ARHGAP25: variants seen among roughly 807,000 people sequenced by gnomAD.
ARHGAP25 encodes the protein Rho GTPase activating protein 25.
A neutral mutation model predicts 71.0 loss-of-function variants in ARHGAP25; 34 were observed. The observed-to-expected ratio is 0.48, with a 90% CI of 0.36 to 0.64. The LOEUF (loss-of-function observed/expected upper bound fraction) is 0.64. ARHGAP25 is among the 30% of genes least tolerant of loss of function. ARHGAP25 has a pLI of 0.00. For synonymous variants in ARHGAP25, 282 were observed against 296.5 expected, an observed-to-expected ratio of 0.95 and a Z score of 0.50; for missense variants, 706 against 805.1, an observed-to-expected ratio of 0.88 and a Z score of 1.49.
At chr2:68,753,086 G>T (rs1343736627) in intron 1 of ARHGAP25, among the ~76,000 whole-genome samples, 2 of 151,860 alleles carry the variant, frequency 1.3e-5, no homozygotes. Context: ...GATGGGGGGG[G>T]TGATAAAACC....
chr2:68,824,613 G>A (rs548360947), intron 10 of ARHGAP25, among the ~76,000 whole-genome samples: 1 of 152,146 alleles, frequency 6.6e-6, no homozygotes, highest in African/African-American at 2.4e-5. Context: ...ATGATGGTGG[G>A]TGCCTGTAGT....
At chr2:68,753,648 G>A (rs898119003) in intron 1 of ARHGAP25, among the ~76,000 whole-genome samples, 5 of 152,154 alleles carry the variant, frequency 3.3e-5, no homozygotes, top group African/African-American at 1.2e-4. Flanking sequence ...GATCACTGGG[G>A]TAGATTTAGC....
intron 1 of ARHGAP25, among the ~76,000 whole-genome samples, chr2:68,766,929 G>T (rs1409523677): frequency 6.6e-6 from 1 of 152,176 alleles, no homozygotes; most frequent in Non-Finnish European, 1.5e-5. Context: ...TTCCAAAGCA[G>T]ATTCTTTTCC....
chr2:68,711,766 A>G (rs4854495), intron 2 of ARHGAP25, among the ~76,000 whole-genome samples: 35,569 of 149,888 alleles, frequency 0.24, 4,425 homozygotes, highest in East Asian at 0.37. Flanking sequence ...AGAACATGAG[A>G]TGTTTGGTTT....
upstream of ARHGAP25, among the ~76,000 whole-genome samples, chr2:68,731,967 C>G (rs1040288244): frequency 6.6e-6 from 1 of 152,184 alleles, no homozygotes; most frequent in African/African-American, 2.4e-5. Flanking sequence ...TCTGCTTGTT[C>G]ACGAACGTTC....
intron 2 of ARHGAP25, among the ~76,000 whole-genome samples, chr2:68,724,499 C>T (rs1674836659): frequency 6.6e-6 from 1 of 152,190 alleles, no homozygotes; most frequent in South Asian, 2.1e-4. Flanking sequence ...CACCTGCTGA[C>T]CCTCAGACCA....
chr2:68,720,942 C>T (rs1411109087), intron 2 of ARHGAP25, among the ~76,000 whole-genome samples: 8 of 152,178 alleles, frequency 5.3e-5, no homozygotes, highest in African/African-American at 1.9e-4. Context: ...TCCATCTGTA[C>T]TCACAGATGT....
intron 2 of ARHGAP25, among the ~76,000 whole-genome samples, chr2:68,726,559 A>G (rs1674888945): frequency 6.6e-6 from 1 of 152,242 alleles, no homozygotes; most frequent in South Asian, 2.1e-4. Flanking sequence ...CACCAGCAGT[A>G]ATAATGCCCG....
At chr2:68,809,315 G>T (rs1379262187) in intron 5 of ARHGAP25, among the ~76,000 whole-genome samples, 1 of 152,162 alleles carries the variant, frequency 6.6e-6, no homozygotes, top group African/African-American at 2.4e-5. Flanking sequence ...GATGCATAGG[G>T]TAGGGAAAGG....
At chr2:68,804,536 G>A (rs948052501) in intron 4 of ARHGAP25, among the ~76,000 whole-genome samples, 4 of 152,116 alleles carry the variant, frequency 2.6e-5, no homozygotes, top group Admixed American at 6.5e-5. Context: ...TTTTCTAATT[G>A]TTTCTCACCA....
rs111931025 is a variant in ARHGAP25 at position 68,773,609 on chromosome 2, T to C, written c.62-1612T>C. On this transcript the variant is annotated intron_variant, in intron 1 of 10. Transcript: ENST00000409202. ...AAACCCAATCCCCACCATTAGGCGATGGACTCATGTAACAAACCAGCACGT... is the reference window on the plus strand; with the variant it reads ...AAACCCAATCCCCACCATTAGGCGACGGACTCATGTAACAAACCAGCACGT... Among the ~76,000 whole-genome samples, 812 of 152,312 alleles carry C rather than the reference T, an allele frequency of 5.3e-3. 5 individuals are homozygous for C. Among genetic ancestry groups the C allele is most frequent in the Admixed American group, 9.9e-3 (151 of 15,300 alleles).
upstream of ARHGAP25, among the ~76,000 whole-genome samples, chr2:68,734,510 G>T (rs1178177570): frequency 6.6e-6 from 1 of 152,140 alleles, no homozygotes; most frequent in Non-Finnish European, 1.5e-5. Context: ...AGATAACTTT[G>T]GGGGAATGCT....
chr2:68,747,275 C>G (rs1675891069), intron 1 of ARHGAP25, among the ~76,000 whole-genome samples: 1 of 152,124 alleles, frequency 6.6e-6, no homozygotes, highest in African/African-American at 2.4e-5. Flanking sequence ...ATGAAGTCTC[C>G]TTCTCTACCA....
At chr2:68,797,388 C>T (rs1039621258) in intron 4 of ARHGAP25, among the ~76,000 whole-genome samples, 1 of 152,202 alleles carries the variant, frequency 6.6e-6, no homozygotes, top group Admixed American at 6.5e-5. Context: ...AAGTTCCCTC[C>T]TCCATCCTGG....
chr2:68,811,951 G>A (rs1284064145), intron 5 of ARHGAP25, among the ~76,000 whole-genome samples: 1 of 152,170 alleles, frequency 6.6e-6, no homozygotes, highest in African/African-American at 2.4e-5. Flanking sequence ...AAGAATGCCA[G>A]GTTTTATCAA....
chr2:68,712,645 T>C (rs1402862371), intron 2 of ARHGAP25, among the ~76,000 whole-genome samples: 3 of 152,228 alleles, frequency 2.0e-5, no homozygotes, highest in Non-Finnish European at 2.9e-5. Context: ...GTTTTAGGTC[T>C]TATGTTTAAG....
At chr2:68,821,096 T>TC (rs1681624722) in intron 9 of ARHGAP25, among the ~76,000 whole-genome samples, 1 of 135,744 alleles carries the variant, frequency 7.4e-6, no homozygotes. Flanking sequence ...TTCTTTCTTT[T>TC]TTTTTTTTTT....
chr2:68,741,778 G>T (rs1432001721), intron 1 of ARHGAP25, among the ~76,000 whole-genome samples: 1 of 152,184 alleles, frequency 6.6e-6, no homozygotes, highest in Non-Finnish European at 1.5e-5. Context: ...ATATTAAAAT[G>T]TTGAAAGTTA....
rs529995863 is a variant in ARHGAP25, at chr2:68,718,218, C to T, written c.-18+7520C>T. On this transcript the variant is annotated intron_variant and NMD_transcript_variant, in intron 2 of 7. Transcript: ENST00000463483. ...AAAGTAGACCTCTAGAGCCTGGCTA[C>T]TCAAAGTCTGATCCAGAGACCAGCA... 7.2e-5 allele frequency among the ~76,000 whole-genome samples: 11 copies of T among 152,174 alleles called. No individual in the cohort carries two copies. The East Asian group carries it at 2.1e-3, about 29-fold the overall frequency.
Sources: allele counts gnomAD v4.1 joint callset (sites outside exome capture counted in the v4.1 genomes callset), GRCh38; gene constraint gnomAD v4.1.1; transcripts MANE v1.5; gene names NCBI Gene and HGNC (gene_info 2026-07-23, HGNC 2026-07-21).